CS: variants seen among roughly 807,000 people sequenced by gnomAD.
CS encodes citrate synthase.
In CS, 13 loss-of-function variants were observed where a neutral mutation model predicts 61.4. The ratio of observed to expected loss-of-function variants is 0.21; its 90% CI spans 0.14 to 0.34. The LOEUF (loss-of-function observed/expected upper bound fraction) is 0.34, where lower values mean the gene tolerates loss of function less well. CS is among the 10% of genes least tolerant of loss of function. The pLI is 1.00. For missense variants in CS, 278 were observed against 573.4 expected (o/e 0.48, Z 5.26); for synonymous variants, 159 against 215.2 (o/e 0.74, Z 2.29).
intron 1 of CS, among the ~76,000 whole-genome samples, chr12:56,290,156 A>C (rs753905114): frequency 2.0e-5 from 3 of 152,050 alleles, no homozygotes; most frequent in Non-Finnish European, 2.9e-5. Flanking sequence ...TCAGCCTCCC[A>C]AAGTGCTGGG....
rs1230312385 is a variant in CS, at chr12:56,300,232, G to GT, written c.-32dup. The GT allele has an allele frequency of 8.4e-6, 13 of 1,550,338 alleles. No homozygotes were observed. The Admixed American group carries it at 2.0e-4, about 24-fold the overall frequency. On this transcript the variant is annotated 5_prime_UTR_variant, in exon 1 of 11. Transcript: ENST00000351328. The stretch of plus-strand genomic sequence containing the variant: ...GCGATCTCCGGGATCTGGTGGGGAG[G>GT]TAAGAAAGGGAGAGAGCTGCGGCAG...
At chr12:56,291,618 G>A (rs1873128572) in intron 1 of CS, 1 of 152,326 alleles carries the variant, frequency 6.6e-6, no homozygotes, top group South Asian at 2.1e-4. Context: ...GATGAGACAG[G>A]TAGATTACAA....
chr12:56,275,740 C>G (rs1872609213), intron 7 of CS: 3 of 522,442 alleles, frequency 5.7e-6, no homozygotes, highest in Non-Finnish European at 1.0e-5. Context: ...GCTGAAGGAC[C>G]ATCTAATGTG....
At chr12:56,292,076 TCTC>T (rs1873142526) in intron 1 of CS, among the ~76,000 whole-genome samples, 1 of 152,286 alleles carries the variant, frequency 6.6e-6, no homozygotes, top group South Asian at 2.1e-4. Context: ...CTTCCTTTGT[TCTC>T]CTCTGCCTTT....
chr12:56,296,333 C>T lies in CS; in HGVS notation c.42+3827G>A, dbSNP rs142694188. Among the ~76,000 whole-genome samples the T allele has an allele frequency of 1.4e-4, 21 of 152,006 alleles. No individual in the cohort carries two copies. In the East Asian group the frequency reaches 3.7e-3, roughly 27 times the overall value. On this transcript the variant is annotated intron_variant, in intron 1 of 10. Transcript: ENST00000351328. ...AAAAAATTAGCCAGGCGTGGCTGTG[C>T]GTGCCTGTGGTCCCAGCTACTCGGG...
Position 56,286,578 on chromosome 12 carries a change from T to C in CS, c.93+17A>G. 1 of 1,613,470 alleles carries C rather than the reference T, an allele frequency of 6.2e-7. No individual in the cohort carries two copies. Among genetic ancestry groups the C allele is most frequent in the Non-Finnish European group, 8.5e-7 (1 of 1,179,490 alleles). ...CCGCAATGATTCTTATTCTTAGTCT[T>C]CTTTTCCAAACCTTACCGTGGAGGA... On this transcript the variant is annotated intron_variant, in intron 2 of 10. Coordinates refer to ENST00000351328, the MANE Select transcript of CS (RefSeq NM_004077.3).
chr12:56,277,092 T>G (rs1390952280), intron 6 of CS, among the ~76,000 whole-genome samples: 1 of 151,240 alleles, frequency 6.6e-6, no homozygotes, highest in African/African-American at 2.4e-5. Context: ...TAATCCCAGC[T>G]ACTCGGGAGG....
intron 1 of CS, among the ~76,000 whole-genome samples, chr12:56,295,716 A>C (rs1873278111): frequency 6.6e-6 from 1 of 151,482 alleles, no homozygotes; most frequent in Non-Finnish European, 1.5e-5. Context: ...GCACTGTGGG[A>C]GGTGGAGGCG....
chr12:56,279,775 A>C (rs989355612), intron 6 of CS, among the ~76,000 whole-genome samples: 104 of 147,760 alleles, frequency 7.0e-4, no homozygotes, highest in Admixed American at 1.4e-3. Context: ...CAAAAAAAAA[A>C]CCAAAAAAAA....
chr12:56,283,731 C>T (rs945326854), intron 4 of CS, 61 bp downstream of exon 4: 55 of 1,303,366 alleles, frequency 4.2e-5, no homozygotes, highest in Non-Finnish European at 5.7e-5. Flanking sequence ...TGGTCTAATC[C>T]ACGGTTTGCG....
At chr12:56,287,226 A>C (rs1872965364) in intron 1 of CS, among the ~76,000 whole-genome samples, 1 of 152,168 alleles carries the variant, frequency 6.6e-6, no homozygotes, top group South Asian at 2.1e-4. Context: ...CATGCCTGTA[A>C]TCCCAGCACT....
intron 1 of CS, among the ~76,000 whole-genome samples, chr12:56,290,372 CG>C (rs1235396255): frequency 6.6e-6 from 1 of 151,874 alleles, no homozygotes; most frequent in Non-Finnish European, 1.5e-5. Flanking sequence ...CCAACACACC[CG>C]GCTAATTTTT....
chr12:56,296,720 T>C (rs922553506), intron 1 of CS, among the ~76,000 whole-genome samples: 5 of 152,150 alleles, frequency 3.3e-5, no homozygotes, highest in African/African-American at 1.2e-4. Flanking sequence ...CATACTATTC[T>C]TGCTGCCTCC....
chr12:56,298,091 T>TGAGC (rs1353937497), intron 1 of CS, among the ~76,000 whole-genome samples: 2 of 151,350 alleles, frequency 1.3e-5, no homozygotes, highest in East Asian at 4.0e-4. Context: ...ATCCGCCTCC[T>TGAGC]GGGTTTGAGC....
chr12:56,290,204 GTTTT>G (rs770852108), intron 1 of CS, among the ~76,000 whole-genome samples: 20 of 151,200 alleles, frequency 1.3e-4, no homozygotes, highest in Non-Finnish European at 2.1e-4. Context: ...AAGATTTTAT[GTTTT>G]TTTGTTTGTT....
chr12:56,300,276 C>T lies in CS; in HGVS notation c.-75G>A. 3.4e-6 allele frequency: 5 copies of T among 1,466,980 alleles called. No individual in the cohort carries two copies. Among genetic ancestry groups the T allele is most frequent in the Non-Finnish European group, 4.6e-6 (5 of 1,085,696 alleles). 90.9% of individuals were successfully genotyped at this position (1,466,980 alleles called of 1,614,324 possible). On this transcript the variant is annotated 5_prime_UTR_variant, in exon 1 of 11. Transcript: ENST00000351328. ...GCGGCAGGAACAGGAGCCGCCGCCGCTGCACCAGAGGCCGCGCCGACGGGT... is the reference window on the plus strand; with the variant it reads ...GCGGCAGGAACAGGAGCCGCCGCCGTTGCACCAGAGGCCGCGCCGACGGGT...
chr12:56,273,997 CTT>C (rs35366727), intron 9 of CS: 32,445 of 357,380 alleles, frequency 0.091, 186 homozygotes, highest in Non-Finnish European at 0.11. Context: ...ACACATCTGG[CTT>C]TTTTTTTTTT....
chr12:56,290,335 C>T (rs1382221618), intron 1 of CS, among the ~76,000 whole-genome samples: 3 of 152,148 alleles, frequency 2.0e-5, no homozygotes, highest in Non-Finnish European at 4.4e-5. Flanking sequence ...CCTCAGCCTC[C>T]TGAGTAGCTA....
chr12:56,275,615 TG>T (rs1872606670), intron 7 of CS: 1 of 253,188 alleles, frequency 3.9e-6, no homozygotes, highest in African/African-American at 2.3e-5. Context: ...TACCAGCTTT[TG>T]TTCACTCATC....
Sources: allele counts gnomAD v4.1 joint callset (sites outside exome capture counted in the v4.1 genomes callset), GRCh38; gene constraint gnomAD v4.1.1; transcripts MANE v1.5; gene names NCBI Gene and HGNC (gene_info 2026-07-23, HGNC 2026-07-21).